The following KLHL1 variants were observed in gnomAD, a reference collection of about 807,000 sequenced individuals.
KLHL1 encodes the protein kelch like family member 1, also known as kelch-like protein 1.
In KLHL1, 47 loss-of-function variants were observed where a neutral mutation model predicts 77.7. The ratio of observed to expected loss-of-function variants is 0.60; its 90% CI spans 0.48 to 0.77. The LOEUF (loss-of-function observed/expected upper bound fraction) is 0.77, where lower values mean the gene tolerates loss of function less well. KLHL1 is among the 30% of genes least tolerant of loss of function. The probability of loss-of-function intolerance (pLI) is 0.00; values close to 1 mark genes in which losing one functional copy is unlikely to be tolerated. For missense variants in KLHL1, 925 were observed against 910.8 expected, an observed-to-expected ratio of 1.02 and a Z score of -0.20; for synonymous variants, 360 against 325.2, an observed-to-expected ratio of 1.11 and a Z score of -1.15.
At position 69,940,209 on chromosome 13, in the gene KLHL1, A is replaced by G. The variant is rs1181114635; in HGVS notation, c.845T>C (p.Ile282Thr). ...TGCLELKEDT[I>T]ENLLAAACLL... is the part of the protein sequence containing the mutation. The stretch of plus-strand genomic sequence containing the variant: ...GCACGCTGCAGCAAGAAGGTTCTCA[A>G]TGGTGTCCTCTTTTAATTCCAAGCA... The change falls in exon 4 of 11, where the codon ATT becomes ACT. Residue 282 changes from isoleucine (I) to threonine (T), a missense_variant. Coordinates refer to ENST00000377844, the MANE Select transcript of KLHL1 (RefSeq NM_020866.3). 6.2e-7 allele frequency: 1 copy of G among 1,609,928 alleles called. No individual in the cohort carries two copies. Among genetic ancestry groups the G allele is most frequent in the Non-Finnish European group, 8.5e-7 (1 of 1,178,714 alleles).
chr13:70,097,048 T>G (rs765684771), intron 1 of KLHL1, among the ~76,000 whole-genome samples: 1 of 151,958 alleles, frequency 6.6e-6, no homozygotes, highest in East Asian at 1.9e-4. Context: ...GAAAAATACT[T>G]AAGTGAGTTG....
At chr13:69,834,577 T>G (rs190589094) in intron 6 of KLHL1, among the ~76,000 whole-genome samples, 108 of 152,260 alleles carry the variant, frequency 7.1e-4, no homozygotes, top group African/African-American at 2.5e-3. Flanking sequence ...ATGTGAGACT[T>G]GTCCACTTTG....
Position 69,995,562 on chromosome 13 carries a change from C to A in KLHL1, c.498-19760G>T, listed in dbSNP as rs114792754. Among the ~76,000 whole-genome samples, 1,101 of 152,166 alleles carry A rather than the reference C, an allele frequency of 7.2e-3. 15 individuals are homozygous for A. Among genetic ancestry groups the A allele is most frequent in the African/African-American group, 0.026 (1,065 of 41,504 alleles). On this transcript the variant is annotated intron_variant, in intron 1 of 10. Transcript: ENST00000377844. Reference sequence around the variant, plus strand: ...AAGAAAGAATGCTGTAAAATTGCTGCAAATCTATAATGGAAATATTTATCC... The same window carrying A: ...AAGAAAGAATGCTGTAAAATTGCTGAAAATCTATAATGGAAATATTTATCC...
intron 1 of KLHL1, among the ~76,000 whole-genome samples, chr13:70,024,620 T>TTCTTTCTCTCTCTC (rs1885886701): frequency 1.5e-5 from 2 of 130,288 alleles, no homozygotes; most frequent in African/African-American, 5.3e-5. Context: ...GAGAAAAGAT[T>TTCTTTCTCTCTCTC]TCTCTCTCTC....
intron 1 of KLHL1, among the ~76,000 whole-genome samples, chr13:69,995,582 T>C (rs1885131462): frequency 6.6e-6 from 1 of 152,138 alleles, no homozygotes; most frequent in African/African-American, 2.4e-5. Context: ...ATGGAAATAT[T>C]TATCCATGCT....
intron 4 of KLHL1, among the ~76,000 whole-genome samples, chr13:69,891,544 T>C (rs1225868118): frequency 6.6e-6 from 1 of 151,992 alleles, no homozygotes; most frequent in Middle Eastern, 3.2e-3. Flanking sequence ...GACTTTTTAA[T>C]AAAAAAGGAA....
At chr13:69,910,883 A>C (rs368433416) in intron 4 of KLHL1, among the ~76,000 whole-genome samples, 1 of 152,100 alleles carries the variant, frequency 6.6e-6, no homozygotes, top group Non-Finnish European at 1.5e-5. Context: ...ATCAGGAAAT[A>C]AGCAATGAAT....
At chr13:70,066,623 G>C (rs1400540801) in intron 1 of KLHL1, among the ~76,000 whole-genome samples, 1 of 152,132 alleles carries the variant, frequency 6.6e-6, no homozygotes, top group Non-Finnish European at 1.5e-5. Flanking sequence ...TTATTCCAGA[G>C]ACTGATAATG....
At chr13:69,875,098 A>G (rs1880715985) in intron 5 of KLHL1, among the ~76,000 whole-genome samples, 1 of 152,294 alleles carries the variant, frequency 6.6e-6, no homozygotes, top group East Asian at 1.9e-4. Context: ...CAGTTGAGCA[A>G]GAGTGATCAA....
chr13:69,993,520 T>A (rs1885077018), intron 1 of KLHL1, among the ~76,000 whole-genome samples: 1 of 152,058 alleles, frequency 6.6e-6, no homozygotes, highest in Admixed American at 6.6e-5. Flanking sequence ...GTCGGTGTAT[T>A]ATTTTTCCCA....
chr13:70,011,816 G>A (rs763106426), intron 1 of KLHL1, among the ~76,000 whole-genome samples: 7 of 152,086 alleles, frequency 4.6e-5, no homozygotes, highest in African/African-American at 7.2e-5. Flanking sequence ...TGGGGGTTCC[G>A]TATTTGTCCA....
intron 8 of KLHL1, among the ~76,000 whole-genome samples, chr13:69,739,685 A>G (rs1873905752): frequency 1.3e-5 from 2 of 152,210 alleles, no homozygotes; most frequent in South Asian, 2.1e-4. Context: ...TTGCATTTGT[A>G]AAAGGATTTC....
At chr13:69,778,132 C>A (rs189355548) in intron 7 of KLHL1, among the ~76,000 whole-genome samples, 2 of 151,948 alleles carry the variant, frequency 1.3e-5, no homozygotes, top group Admixed American at 1.3e-4. Flanking sequence ...AAAATGCAGC[C>A]AAGGATGAGG....
chr13:70,094,050 C>G (rs1887731960), intron 1 of KLHL1, among the ~76,000 whole-genome samples: 1 of 152,024 alleles, frequency 6.6e-6, no homozygotes, highest in South Asian at 2.1e-4. Context: ...ACTAAGATTG[C>G]TTTAACTTAC....
At chr13:69,978,498 T>C (rs1368631597) in intron 1 of KLHL1, among the ~76,000 whole-genome samples, 1 of 151,766 alleles carries the variant, frequency 6.6e-6, no homozygotes, top group Non-Finnish European at 1.5e-5. Context: ...ATTTTTTTTT[T>C]TTTTTTGAGA....
chr13:70,072,508 A>G (rs916214090), intron 1 of KLHL1, among the ~76,000 whole-genome samples: 3 of 152,160 alleles, frequency 2.0e-5, no homozygotes, highest in Admixed American at 6.5e-5. Context: ...CTACAGATCA[A>G]TATCTGTCTT....
chr13:69,883,301 C>T (rs1241484254), intron 4 of KLHL1, among the ~76,000 whole-genome samples: 3 of 151,974 alleles, frequency 2.0e-5, no homozygotes, highest in Non-Finnish European at 4.4e-5. Flanking sequence ...TGACCTTTTC[C>T]TGTTCTCTTT....
chr13:69,801,806 A>T (rs1216495969), intron 6 of KLHL1, among the ~76,000 whole-genome samples: 2 of 152,174 alleles, frequency 1.3e-5, no homozygotes, highest in Non-Finnish European at 2.9e-5. Flanking sequence ...AGTAATATCA[A>T]ATTTTGATAC....
chr13:69,882,858 A>T (rs1881053881), intron 4 of KLHL1, among the ~76,000 whole-genome samples: 1 of 152,190 alleles, frequency 6.6e-6, no homozygotes, highest in Non-Finnish European at 1.5e-5. Context: ...ATATATGTAG[A>T]CATATATATG....
Sources: allele counts gnomAD v4.1 joint callset (sites outside exome capture counted in the v4.1 genomes callset), GRCh38; gene constraint gnomAD v4.1.1; transcripts MANE v1.5; gene names NCBI Gene and HGNC (gene_info 2026-07-23, HGNC 2026-07-21).